Variants in ITGA4 observed in about 807,000 individuals in gnomAD.
ITGA4 encodes integrin subunit alpha 4.
Under a neutral mutation model 133.6 loss-of-function variants are expected in ITGA4, and 63 were observed. That is an observed-to-expected ratio of 0.47 (90% confidence interval 0.38 to 0.58). ITGA4 has a LOEUF of 0.58. Ranked by LOEUF, ITGA4 falls within the 20% of genes least tolerant of loss-of-function variation. The pLI is 0.00. For synonymous variants in ITGA4, 483 were observed against 438.0 expected, an observed-to-expected ratio of 1.10 and a Z score of -1.28; for missense variants, 1,076 against 1,252.7, an observed-to-expected ratio of 0.86 and a Z score of 2.13.
chr2:181,475,763 C>T, intron 4 of ITGA4: 3 of 1,552,444 alleles, frequency 1.9e-6, no homozygotes, highest in Non-Finnish European at 2.6e-6. Flanking sequence ...CTTCAAGCAG[C>T]AAGAGATTCG....
At chr2:181,477,361 A>T (rs1449583087) in intron 4 of ITGA4, among the ~76,000 whole-genome samples, 1 of 152,132 alleles carries the variant, frequency 6.6e-6, no homozygotes, top group African/African-American at 2.4e-5. Flanking sequence ...AAAAATAAAC[A>T]AATGAGACTA....
chr2:181,473,044 G>T (rs1364418603), intron 2 of ITGA4, among the ~76,000 whole-genome samples: 2 of 152,192 alleles, frequency 1.3e-5, no homozygotes, highest in African/African-American at 4.8e-5. Context: ...AGTTAGTGGG[G>T]GTTGCCATTT....
rs928904742 is a variant in ITGA4 at position 181,536,458 on chromosome 2, G to A, written c.*931G>A. Among the ~76,000 whole-genome samples the A allele has an allele frequency of 6.6e-6, 1 of 151,936 alleles. No individual in the cohort carries two copies. The highest frequency in any genetic ancestry group is 2.4e-5 in the African/African-American group (1 of 41,366). On this transcript the variant is annotated 3_prime_UTR_variant, in exon 28 of 28. Transcript: ENST00000397033. ...AAAATCAAAGCTGTGCAAAGACTAG[G>A]GGGCCTATACTTCATATGTATTATG...
intron 25 of ITGA4, among the ~76,000 whole-genome samples, chr2:181,533,519 ATCATCC>A (rs910359873): frequency 4.4e-4 from 67 of 152,164 alleles, no homozygotes; most frequent in African/African-American, 1.5e-3. Flanking sequence ...GATATTTAGT[ATCATCC>A]TCAGCCTCTA....
At chr2:181,494,508 G>T (rs1188392962) in intron 11 of ITGA4, among the ~76,000 whole-genome samples, 4 of 152,192 alleles carry the variant, frequency 2.6e-5, no homozygotes, top group East Asian at 3.9e-4. Flanking sequence ...CCCTTTGCTC[G>T]CAAAGTAAAT....
intron 18 of ITGA4, 62 bp downstream of exon 18, chr2:181,522,403 TA>T: frequency 8.2e-7 from 1 of 1,216,296 alleles, no homozygotes; most frequent in Non-Finnish European, 1.1e-6. Flanking sequence ...TTTTTAAAAG[TA>T]AATGGTAGAA....
chr2:181,529,798 T>G (rs1574414378), intron 23 of ITGA4, 150 bp downstream of exon 23: 1 of 559,452 alleles, frequency 1.8e-6, no homozygotes, highest in East Asian at 3.0e-5. Context: ...CACCATGCAT[T>G]TATTGAGTTA....
chr2:181,529,914 T>C (rs898401659), intron 23 of ITGA4, among the ~76,000 whole-genome samples: 6 of 152,228 alleles, frequency 3.9e-5, no homozygotes, highest in African/African-American at 1.4e-4. Context: ...TGAATAATTA[T>C]TTTAAGATAC....
Position 181,537,391 on chromosome 2 carries a change from T to TTGCCCAGTTCAAAATAGTATTTGTTATCA in ITGA4, c.*1865_*1893dup, listed in dbSNP as rs1290776328. ...ACACAATTACATATTGGGCTAGATT[T>TTGCCCAGTTCAAAATAGTATTTGTTATCA]TGCCCAGTTCAAAATAGTATTTGTT... On this transcript the variant is annotated 3_prime_UTR_variant, in exon 28 of 28. Transcript: ENST00000397033. 2 of 452,452 alleles carry TTGCCCAGTTCAAAATAGTATTTGTTATCA rather than the reference T, an allele frequency of 4.4e-6. No homozygotes were observed. The highest frequency in any genetic ancestry group is 4.4e-6 in the Non-Finnish European group (1 of 225,740). 28.0% of individuals were successfully genotyped at this position (452,452 alleles called of 1,614,324 possible).
chr2:181,532,948 G>C (rs556852145), intron 25 of ITGA4, among the ~76,000 whole-genome samples: 1 of 152,098 alleles, frequency 6.6e-6, no homozygotes, highest in African/African-American at 2.4e-5. Flanking sequence ...TAGCATGAAG[G>C]GATGATGAAT....
Position 181,537,425 on chromosome 2 carries a change from A to ACTTTGTTACTTGTATCAT in ITGA4, c.*1899_*1916dup, listed in dbSNP as rs1239443728. ...TCAAAATAGTATTTGTTATCAACTT[A>ACTTTGTTACTTGTATCAT]CTTTGTTACTTGTATCATGAATTTT... On this transcript the variant is annotated 3_prime_UTR_variant, in exon 28 of 28. Coordinates refer to ENST00000397033, the MANE Select transcript of ITGA4 (RefSeq NM_000885.6). 4.4e-6 allele frequency: 2 copies of ACTTTGTTACTTGTATCAT among 453,812 alleles called. No individual in the cohort carries two copies. The highest frequency in any genetic ancestry group is 8.8e-6 in the Non-Finnish European group (2 of 226,736). The allele number at this position is 453,812 out of a possible 1,614,324, so 28.1% of individuals were successfully genotyped here.
chr2:181,527,349 G>A lies in ITGA4; in HGVS notation c.2392G>A (p.Glu798Lys). ...TGGATCAAATGATGAAAATGAGCCT[G>A]AAACGTGCATGGTGGAGAAAATGAA... ...VYGSNDENEP[E>K]TCMVEKMNLT... Residue 798 changes from glutamate (E) to lysine (K), a missense_variant, in exon 22 of 28, where the codon GAA (glutamate) becomes AAA (lysine). Physicochemically the swap from Glu to Lys is moderately conservative, Grantham distance 56 (BLOSUM62 1). This residue lies in a region of ITGA4 where 365 missense variants were observed against 421.4 expected (regional missense o/e 0.87). Coordinates refer to ENST00000397033, the MANE Select transcript of ITGA4 (RefSeq NM_000885.6). 1 of 1,613,106 alleles carries A rather than the reference G, an allele frequency of 6.2e-7. No individual in the cohort carries two copies. Among genetic ancestry groups the A allele is most frequent in the Non-Finnish European group, 8.5e-7 (1 of 1,179,194 alleles).
rs568827640 is a variant in ITGA4 at position 181,462,809 on chromosome 2, A to T, written c.319+4492A>T. On this transcript the variant is annotated intron_variant, in intron 2 of 27. Coordinates refer to ENST00000397033, the MANE Select transcript of ITGA4 (RefSeq NM_000885.6). ...CTTAAGTTTACTTGGTCACTGAGTG[A>T]TATACCCAATGACTTGAAAATATAT... 3.9e-5 allele frequency among the ~76,000 whole-genome samples: 6 copies of T among 152,302 alleles called. No individual in the cohort carries two copies. In the South Asian group the frequency reaches 1.2e-3, roughly 32 times the overall value.
At chr2:181,498,821 G>T (rs143795644) in intron 15 of ITGA4, 44 bp downstream of exon 15, 1 of 1,529,866 alleles carries the variant, frequency 6.5e-7, no homozygotes. Context: ...GAACTTCAAC[G>T]TTGTTGATAG....
rs1685215437 is a variant in ITGA4 at position 181,459,532 on chromosome 2, A to G, written c.319+1215A>G. On this transcript the variant is annotated intron_variant, in intron 2 of 27. Transcript: ENST00000397033. ...TTCAGATAGAGTATAAACATAATGGAATTTTTACTTTTAACTCAGAGCACC... is the reference window on the plus strand; with the variant it reads ...TTCAGATAGAGTATAAACATAATGGGATTTTTACTTTTAACTCAGAGCACC... 1.3e-5 allele frequency: 2 copies of G among 152,164 alleles called. 1 individual carries two copies. Among genetic ancestry groups the G allele is most frequent in the Non-Finnish European group, 2.9e-5 (2 of 68,026 alleles). 9.4% of individuals were successfully genotyped at this position (152,164 alleles called of 1,614,324 possible).
At chr2:181,464,050 A>G (rs1685353460) in intron 2 of ITGA4, among the ~76,000 whole-genome samples, 1 of 152,096 alleles carries the variant, frequency 6.6e-6, no homozygotes, top group African/African-American at 2.4e-5. Context: ...TGATTCCAGT[A>G]TTCATCCATG....
At chr2:181,511,572 A>G (rs1304086709) in intron 16 of ITGA4, 127 bp from the exon 17 acceptor site, 5 of 565,354 alleles carry the variant, frequency 8.8e-6, no homozygotes, top group East Asian at 2.9e-5. Context: ...AGATAAAATA[A>G]AGAGTTGTCA....
intron 11 of ITGA4, among the ~76,000 whole-genome samples, chr2:181,494,084 T>A (rs1471341406): frequency 6.6e-6 from 1 of 152,188 alleles, no homozygotes; most frequent in Non-Finnish European, 1.5e-5. Flanking sequence ...GTAAAAAAAC[T>A]AATTTTCTTA....
intron 2 of ITGA4, among the ~76,000 whole-genome samples, chr2:181,460,096 A>T (rs1685231974): frequency 6.6e-6 from 1 of 152,244 alleles, no homozygotes; most frequent in African/African-American, 2.4e-5. Context: ...ATAAAAGTGG[A>T]GTGAAAATTT....
Sources: gnomAD v4.1 joint callset for allele counts (sites outside exome capture counted in the v4.1 genomes callset) on GRCh38, gnomAD v4.1.1 for gene constraint, gnomAD v4.1.1 regional missense constraint, MANE v1.5 for transcripts, NCBI Gene and HGNC (gene_info 2026-07-23, HGNC 2026-07-21) for gene names.